Variants in SLC1A3 observed in about 807,000 individuals in gnomAD.
SLC1A3 encodes the protein excitatory amino acid transporter 1.
In SLC1A3, 21 loss-of-function variants were observed where a neutral mutation model predicts 48.1. The ratio of observed to expected loss-of-function variants is 0.44; its 90% CI spans 0.31 to 0.63. The LOEUF (loss-of-function observed/expected upper bound fraction) is 0.63, where lower values mean the gene tolerates loss of function less well. Among genes scored for constraint, SLC1A3 ranks in the 20% least tolerant of loss-of-function variants. The probability of loss-of-function intolerance (pLI) is 0.08; values close to 1 mark genes in which losing one functional copy is unlikely to be tolerated. For synonymous variants in SLC1A3, 239 were observed against 251.4 expected, an observed-to-expected ratio of 0.95 and a Z score of 0.47; for missense variants, 546 against 689.0, an observed-to-expected ratio of 0.79 and a Z score of 2.32.
Position 36,680,387 on chromosome 5 carries a change from G to C in SLC1A3, c.1095-8G>C, listed in dbSNP as rs771971509. The C allele has an allele frequency of 1.2e-6, 2 of 1,613,566 alleles. No individual in the cohort carries two copies. The highest frequency in any genetic ancestry group is 1.7e-6 in the Non-Finnish European group (2 of 1,179,534). ...CTCAGCTGATGTGCCCTATTTCACT[G>C]TTCTCAGTTCTGCCACCCTACCCAT... On this transcript the variant is annotated splice_region_variant and splice_polypyrimidine_tract_variant and intron_variant, in intron 7 of 9. Coordinates refer to ENST00000265113, the MANE Select transcript of SLC1A3 (RefSeq NM_004172.5).
Position 36,684,513 on chromosome 5 carries a change from C to T in SLC1A3, c.1424+515C>T, listed in dbSNP as rs79667154. Among the ~76,000 whole-genome samples, 1,017 of 152,300 alleles carry T rather than the reference C, an allele frequency of 6.7e-3. 14 individuals are homozygous for T. The highest frequency in any genetic ancestry group is 0.023 in the African/African-American group (974 of 41,556). On this transcript the variant is annotated intron_variant, in intron 9 of 9. Coordinates refer to ENST00000265113, the MANE Select transcript of SLC1A3 (RefSeq NM_004172.5). The stretch of plus-strand genomic sequence containing the variant: ...TGAGTTTCGGATCTAGGGAAAGTTA[C>T]AAGAAATGTGCCCTCCACATTCTCA...
At chr5:36,625,088 C>G (rs556416275) in intron 2 of SLC1A3, among the ~76,000 whole-genome samples, 1 of 152,210 alleles carries the variant, frequency 6.6e-6, no homozygotes, top group Admixed American at 6.5e-5. Flanking sequence ...TGTAGAATCC[C>G]TCCACTCAAC....
intron 5 of SLC1A3, among the ~76,000 whole-genome samples, chr5:36,675,263 AT>A (rs1371278634): frequency 7.2e-5 from 11 of 151,954 alleles, no homozygotes; most frequent in Non-Finnish European, 1.3e-4. Flanking sequence ...AAAAAAAAAA[AT>A]AAGCCTGAGG....
At chr5:36,675,846 AC>A (rs1471964406) in intron 5 of SLC1A3, among the ~76,000 whole-genome samples, 1 of 152,154 alleles carries the variant, frequency 6.6e-6, no homozygotes, top group Non-Finnish European at 1.5e-5. Context: ...TTTTCCATTA[AC>A]CCTTGGTAAA....
Position 36,679,864 on chromosome 5 carries a change from T to A in SLC1A3, c.1094+4T>A. On this transcript the variant is annotated splice_donor_region_variant and intron_variant, in intron 7 of 9. Coordinates refer to ENST00000265113, the MANE Select transcript of SLC1A3 (RefSeq NM_004172.5). ...CCGCTCTGGGGACCTCTTCAAGGTA[T>A]GTATGTATGTGTGGAAAATGAGTCT... 6.3e-7 allele frequency: 1 copy of A among 1,591,280 alleles called. No individual in the cohort carries two copies. Among genetic ancestry groups the A allele is most frequent in the Non-Finnish European group, 8.6e-7 (1 of 1,159,350 alleles).
chr5:36,598,591 T>C (rs1738770340), intron 1 of SLC1A3, among the ~76,000 whole-genome samples: 2 of 152,330 alleles, frequency 1.3e-5, no homozygotes, highest in Middle Eastern at 3.4e-3. Flanking sequence ...TATATACATA[T>C]TTAGAATTTT....
At chr5:36,603,844 C>T (rs1474363241), upstream of SLC1A3, among the ~76,000 whole-genome samples, 2 of 151,974 alleles carry the variant, frequency 1.3e-5, no homozygotes, top group Non-Finnish European at 2.9e-5. Context: ...ATTTTAAAAC[C>T]ATCATTAAAT....
intron 6 of SLC1A3, 33 bp downstream of exon 6, chr5:36,677,217 A>G (rs1742250619): frequency 6.3e-7 from 1 of 1,579,048 alleles, no homozygotes. Context: ...TATGTTATAT[A>G]CGAGATGGTT....
At chr5:36,651,149 A>T (rs1469698854) in intron 3 of SLC1A3, among the ~76,000 whole-genome samples, 1 of 149,688 alleles carries the variant, frequency 6.7e-6, no homozygotes, top group South Asian at 2.1e-4. Context: ...TTTAAAAAAA[A>T]AAAAAAAAAA....
intron 3 of SLC1A3, among the ~76,000 whole-genome samples, chr5:36,667,395 A>G (rs1053502308): frequency 1.3e-5 from 2 of 152,218 alleles, no homozygotes; most frequent in African/African-American, 4.8e-5. Flanking sequence ...AATTAACTCA[A>G]ATGCAAGAAA....
intron 2 of SLC1A3, among the ~76,000 whole-genome samples, chr5:36,613,821 A>G (rs541992935): frequency 3.1e-4 from 47 of 152,144 alleles, no homozygotes; most frequent in South Asian, 1.5e-3. Flanking sequence ...TCTCTGGAGA[A>G]GCCACACTGG....
At chr5:36,680,705 G>C in intron 8 of SLC1A3, 116 bp downstream of exon 8, 1 of 842,670 alleles carries the variant, frequency 1.2e-6, no homozygotes, top group Non-Finnish European at 2.0e-6. Flanking sequence ...ATCTCCTGAG[G>C]CCAGGAGTTC....
chr5:36,653,874 C>A (rs748639559), intron 3 of SLC1A3, among the ~76,000 whole-genome samples: 1 of 152,204 alleles, frequency 6.6e-6, no homozygotes, highest in Non-Finnish European at 1.5e-5. Context: ...GAGAGAGCCT[C>A]GCTCTGTCGC....
intron 1 of SLC1A3, among the ~76,000 whole-genome samples, chr5:36,601,425 G>A (rs1029149727): frequency 2.6e-5 from 4 of 152,216 alleles, no homozygotes; most frequent in Non-Finnish European, 5.9e-5. Context: ...TCAGGAAAGC[G>A]ATTTGAGAAA....
At chr5:36,682,685 G>C (rs1450339245) in intron 8 of SLC1A3, among the ~76,000 whole-genome samples, 1 of 152,226 alleles carries the variant, frequency 6.6e-6, no homozygotes, top group Non-Finnish European at 1.5e-5. Context: ...TCATTATCCA[G>C]GTGGTCCGGG....
At chr5:36,679,920 G>A in intron 7 of SLC1A3, 60 bp downstream of exon 7, 1 of 1,179,678 alleles carries the variant, frequency 8.5e-7, no homozygotes, top group Non-Finnish European at 1.3e-6. Flanking sequence ...GGCCCCTCAA[G>A]TAGGGTGTAG....
At chr5:36,646,383 A>T (rs747805399) in intron 3 of SLC1A3, among the ~76,000 whole-genome samples, 7 of 152,250 alleles carry the variant, frequency 4.6e-5, no homozygotes, top group Non-Finnish European at 7.3e-5. Context: ...AATCCACACA[A>T]GGGACATAAA....
intron 2 of SLC1A3, among the ~76,000 whole-genome samples, chr5:36,621,273 C>G (rs1049240242): frequency 3.3e-5 from 5 of 152,018 alleles, no homozygotes; most frequent in African/African-American, 9.7e-5. Context: ...GAAGGAAGAG[C>G]CAGTGCAAGG....
At chr5:36,665,241 C>T (rs886385730) in intron 3 of SLC1A3, among the ~76,000 whole-genome samples, 16 of 150,530 alleles carry the variant, frequency 1.1e-4, no homozygotes, top group African/African-American at 3.6e-4. Context: ...AAGCATGTGG[C>T]CTCTATCCAG....
Sources: allele counts gnomAD v4.1 joint callset (sites outside exome capture counted in the v4.1 genomes callset), GRCh38; gene constraint gnomAD v4.1.1; transcripts MANE v1.5; gene names NCBI Gene and HGNC (gene_info 2026-07-23, HGNC 2026-07-21).